The following CCDC102B variants were observed in gnomAD, a reference collection of about 807,000 sequenced individuals.
The protein encoded by CCDC102B is coiled-coil domain-containing protein 102B.
A neutral mutation model predicts 57.4 loss-of-function variants in CCDC102B; 75 were observed. The observed-to-expected ratio is 1.31, with a 90% CI of 1.08 to 1.58. The LOEUF is 1.58. Ranked by LOEUF, CCDC102B falls within the 40% of genes most tolerant of loss-of-function variation. CCDC102B has a pLI of 0.00. For missense variants in CCDC102B, 636 were observed against 582.6 expected, an observed-to-expected ratio of 1.09 and a Z score of -0.94; for synonymous variants, 206 against 201.9, an observed-to-expected ratio of 1.02 and a Z score of -0.17.
At chr18:69,021,224 T>G (rs1186365632) in intron 7 of CCDC102B, among the ~76,000 whole-genome samples, 1 of 152,228 alleles carries the variant, frequency 6.6e-6, no homozygotes, top group African/African-American at 2.4e-5. Flanking sequence ...GGACACAGCA[T>G]CCTTTTCTAG....
chr18:69,011,624 C>G (rs1262452687), intron 7 of CCDC102B, among the ~76,000 whole-genome samples: 1 of 151,426 alleles, frequency 6.6e-6, no homozygotes, highest in East Asian at 1.9e-4. Context: ...TCACAGCACA[C>G]AGTTACAACT....
intron 2 of CCDC102B, among the ~76,000 whole-genome samples, chr18:68,738,217 A>G (rs1048801852): frequency 2.0e-5 from 3 of 152,092 alleles, no homozygotes; most frequent in Non-Finnish European, 4.4e-5. Flanking sequence ...CCATTGCTAT[A>G]AAGTGGGTAT....
intron 6 of CCDC102B, among the ~76,000 whole-genome samples, chr18:68,916,166 G>C (rs905742320): frequency 1.3e-5 from 2 of 151,954 alleles, no homozygotes; most frequent in Non-Finnish European, 2.9e-5. Flanking sequence ...TAGATAGATA[G>C]ATATGCATCT....
chr18:69,036,264 A>C (rs2052288832), intron 7 of CCDC102B, among the ~76,000 whole-genome samples: 2 of 152,078 alleles, frequency 1.3e-5, no homozygotes, highest in Admixed American at 6.6e-5. Flanking sequence ...TTTTAGCTGA[A>C]ATCATTGTCC....
chr18:69,048,223 T>TG (rs1023513114), intron 7 of CCDC102B, among the ~76,000 whole-genome samples: 11 of 144,358 alleles, frequency 7.6e-5, no homozygotes, highest in Non-Finnish European at 1.4e-4. Flanking sequence ...TGTGTGTGTG[T>TG]TTTTTTTTTC....
At chr18:69,043,757 T>C (rs555558379) in intron 7 of CCDC102B, among the ~76,000 whole-genome samples, 1 of 152,224 alleles carries the variant, frequency 6.6e-6, no homozygotes, top group African/African-American at 2.4e-5. Context: ...AAATGGAGTC[T>C]CCTATGTCTA....
At chr18:68,867,185 G>A (rs893617349) in intron 4 of CCDC102B, among the ~76,000 whole-genome samples, 7 of 152,204 alleles carry the variant, frequency 4.6e-5, no homozygotes, top group Non-Finnish European at 8.8e-5. Flanking sequence ...GTAGATCATA[G>A]TAGTGGAAAA....
chr18:69,012,137 G>A (rs2145396636), intron 7 of CCDC102B, among the ~76,000 whole-genome samples: 1 of 152,200 alleles, frequency 6.6e-6, no homozygotes, highest in Middle Eastern at 3.4e-3. Flanking sequence ...ATATTCATGT[G>A]TGGTGGGGCT....
chr18:68,924,001 T>C (rs1368350654), intron 6 of CCDC102B, among the ~76,000 whole-genome samples: 1 of 152,066 alleles, frequency 6.6e-6, no homozygotes, highest in East Asian at 1.9e-4. Context: ...TGGCTGTAAG[T>C]AGCATCATTA....
At position 68,881,737 on chromosome 18, in the gene CCDC102B, G is replaced by A. The variant is rs116335363; in HGVS notation, c.1053+6952G>A. Among the ~76,000 whole-genome samples the A allele has an allele frequency of 2.3e-3, 348 of 152,056 alleles. 1 individual carries two copies. Among genetic ancestry groups the A allele is most frequent in the African/African-American group, 8.2e-3 (339 of 41,466 alleles). On this transcript the variant is annotated intron_variant, in intron 5 of 7. Transcript: ENST00000360242. ...CCAGCTTGCTGTCTACAAATCTTGG[G>A]ACTTAGCTTCTATAATTTCATGAGC...
chr18:69,020,124 G>T (rs1031103185), intron 7 of CCDC102B, among the ~76,000 whole-genome samples: 5 of 152,182 alleles, frequency 3.3e-5, no homozygotes, highest in African/African-American at 7.2e-5. Flanking sequence ...ATAAGAGGAT[G>T]TTCAAAATAC....
intron 2 of CCDC102B, among the ~76,000 whole-genome samples, chr18:68,770,211 C>T (rs2034596042): frequency 6.6e-6 from 1 of 152,124 alleles, no homozygotes; most frequent in Admixed American, 6.5e-5. Context: ...TTAAAGAAAT[C>T]ATGATTTCCT....
chr18:69,032,978 A>T (rs1267224891), intron 7 of CCDC102B, among the ~76,000 whole-genome samples: 1 of 152,178 alleles, frequency 6.6e-6, no homozygotes, highest in Non-Finnish European at 1.5e-5. Flanking sequence ...ATCTAGATTA[A>T]CACATTGTAA....
At chr18:68,851,088 A>G (rs75254618) in intron 4 of CCDC102B, among the ~76,000 whole-genome samples, 4 of 152,190 alleles carry the variant, frequency 2.6e-5, no homozygotes, top group African/African-American at 9.6e-5. Flanking sequence ...TCCGTACTCA[A>G]TGATGAATAA....
intron 6 of CCDC102B, among the ~76,000 whole-genome samples, chr18:68,998,184 T>G (rs1179736069): frequency 6.6e-6 from 1 of 151,992 alleles, no homozygotes; most frequent in Non-Finnish European, 1.5e-5. Context: ...TGAGGGTATT[T>G]TGTTTTATAC....
chr18:69,009,050 A>T (rs637804), intron 6 of CCDC102B, among the ~76,000 whole-genome samples: 4 of 152,100 alleles, frequency 2.6e-5, no homozygotes, highest in South Asian at 2.1e-4. Flanking sequence ...CACAGCTATG[A>T]GTATATCTGT....
intron 5 of CCDC102B, among the ~76,000 whole-genome samples, chr18:68,896,881 T>G (rs568598045): frequency 7.2e-5 from 11 of 152,104 alleles, no homozygotes; most frequent in Admixed American, 3.3e-4. Flanking sequence ...AATGATATTG[T>G]GTCTTCTCCA....
At chr18:68,972,419 AG>A (rs2050326951) in intron 6 of CCDC102B, among the ~76,000 whole-genome samples, 1 of 152,160 alleles carries the variant, frequency 6.6e-6, no homozygotes, top group Admixed American at 6.6e-5. Context: ...CTAGGTTTCC[AG>A]GAATATTAGG....
intron 2 of CCDC102B, among the ~76,000 whole-genome samples, chr18:68,742,758 T>G (rs764899209): frequency 3.3e-5 from 5 of 152,184 alleles, no homozygotes; most frequent in Non-Finnish European, 7.3e-5. Context: ...AAAATTTTGC[T>G]TCATTAACTT....
Sources: allele counts gnomAD v4.1 joint callset (sites outside exome capture counted in the v4.1 genomes callset), GRCh38; gene constraint gnomAD v4.1.1; transcripts MANE v1.5; gene names NCBI Gene and HGNC (gene_info 2026-07-23, HGNC 2026-07-21).